The following CASQ2 variants were observed in gnomAD, a reference collection of about 807,000 sequenced individuals.
The protein encoded by CASQ2 is calsequestrin 2.
A neutral mutation model predicts 46.5 loss-of-function variants in CASQ2; 49 were observed. The observed-to-expected ratio is 1.05, with a 90% CI of 0.84 to 1.34. The LOEUF (loss-of-function observed/expected upper bound fraction) is 1.34. Ranked by LOEUF, CASQ2 falls within the 40% of genes most tolerant of loss-of-function variation. The pLI, the probability that CASQ2 is intolerant of heterozygous loss-of-function variation, is 0.00. For missense variants in CASQ2, 486 were observed against 481.3 expected, an observed-to-expected ratio of 1.01 and a Z score of -0.09; for synonymous variants, 174 against 168.5, an observed-to-expected ratio of 1.03 and a Z score of -0.25.
intron 6 of CASQ2, 150 bp from the exon 7 acceptor site, chr1:115,725,703 T>C: frequency 1.0e-6 from 1 of 1,004,310 alleles, no homozygotes. Context: ...ACTTATCTTC[T>C]AAGGAAACAG....
chr1:115,739,400 C>T (rs547911693), intron 3 of CASQ2, among the ~76,000 whole-genome samples: 4 of 152,056 alleles, frequency 2.6e-5, no homozygotes, highest in East Asian at 3.9e-4. Context: ...CAGGCATGAG[C>T]CACCACGCTC....
At chr1:115,707,906 A>G (rs1654410856) in intron 8 of CASQ2, among the ~76,000 whole-genome samples, 1 of 152,228 alleles carries the variant, frequency 6.6e-6, no homozygotes, top group African/African-American at 2.4e-5. Flanking sequence ...AGACTGATTC[A>G]CATAAAGGAA....
chr1:115,720,890 G>A (rs1647351074), intron 7 of CASQ2, among the ~76,000 whole-genome samples: 1 of 152,094 alleles, frequency 6.6e-6, no homozygotes, highest in Admixed American at 6.5e-5. Context: ...AAAGGAGTAT[G>A]GCAATAAAAA....
At chr1:115,730,504 A>G (rs374036510) in intron 5 of CASQ2, among the ~76,000 whole-genome samples, 2 of 152,340 alleles carry the variant, frequency 1.3e-5, no homozygotes, top group African/African-American at 4.8e-5. Flanking sequence ...TTGTTGAGTG[A>G]ATGACTGAAT....
intron 1 of CASQ2, 106 bp downstream of exon 1, chr1:115,768,202 G>C (rs1420494292): frequency 2.5e-5 from 20 of 802,030 alleles, no homozygotes; most frequent in Non-Finnish European, 4.1e-5. Flanking sequence ...GCAGAGTTCA[G>C]TATATATTCT....
intron 1 of CASQ2, among the ~76,000 whole-genome samples, chr1:115,758,724 T>C (rs754549099): frequency 8.5e-5 from 13 of 152,192 alleles, no homozygotes; most frequent in Non-Finnish European, 1.8e-4. Context: ...ACCTTTTCTC[T>C]CTCTCTCGCT....
Position 115,740,739 on chromosome 1 carries a change from A to T in CASQ2, c.409T>A (p.Phe137Ile). 1.9e-6 allele frequency: 3 copies of T among 1,607,480 alleles called. No individual in the cohort carries two copies. The highest frequency in any genetic ancestry group is 2.6e-6 in the Non-Finnish European group (3 of 1,174,096). Residue 137 changes from phenylalanine to isoleucine, a missense_variant, in exon 3 of 11, where the codon TTC becomes ATC. Coordinates refer to ENST00000261448, the MANE Select transcript of CASQ2 (RefSeq NM_001232.4). ...GEFAADVLVE[F>I]LLDLIEDPVE... Reference sequence around the variant, plus strand: ...GTATAAATACTTACATCCAAGAGGAACTCCACCAAGACATCAGCTGCAAAC... The same window carrying T: ...GTATAAATACTTACATCCAAGAGGATCTCCACCAAGACATCAGCTGCAAAC...
chr1:115,720,551 C>A (rs1647333652), intron 7 of CASQ2, among the ~76,000 whole-genome samples: 1 of 152,122 alleles, frequency 6.6e-6, no homozygotes, highest in African/African-American at 2.4e-5. Context: ...AATTTATTCC[C>A]CTGCAGGGTT....
chr1:115,717,654 TTTCTTC>T (rs1280900089), intron 8 of CASQ2, among the ~76,000 whole-genome samples, 180 bp downstream of exon 8: 6 of 152,350 alleles, frequency 3.9e-5, no homozygotes, highest in African/African-American at 1.4e-4. Flanking sequence ...GTTCACACCT[TTTCTTC>T]TCTTAGCCGT....
At chr1:115,745,522 T>A (rs1648359195) in intron 1 of CASQ2, among the ~76,000 whole-genome samples, 1 of 152,046 alleles carries the variant, frequency 6.6e-6, no homozygotes, top group African/African-American at 2.4e-5. Context: ...GTGTCCTAGA[T>A]GGACAGATAG....
chr1:115,744,632 AATGTGAAACC>A (rs1260833161), intron 2 of CASQ2, among the ~76,000 whole-genome samples, 186 bp downstream of exon 2: 1 of 152,242 alleles, frequency 6.6e-6, no homozygotes, highest in African/African-American at 2.4e-5. Context: ...TTACATGATT[AATGTGAAACC>A]ATTCAATTCA....
intron 5 of CASQ2, 59 bp from the exon 6 acceptor site, chr1:115,727,181 G>T: frequency 7.8e-7 from 1 of 1,280,832 alleles, no homozygotes; most frequent in Non-Finnish European, 1.1e-6. Flanking sequence ...ATAGCAGTGT[G>T]TTGTCCATCT....
intron 7 of CASQ2, among the ~76,000 whole-genome samples, chr1:115,721,004 A>G (rs567189193): frequency 2.0e-5 from 3 of 152,352 alleles, no homozygotes; most frequent in East Asian, 3.9e-4. Context: ...TATTTTACTC[A>G]GTTTCCTTCC....
At chr1:115,707,276 C>T (rs1352100707) in intron 8 of CASQ2, among the ~76,000 whole-genome samples, 1 of 152,168 alleles carries the variant, frequency 6.6e-6, no homozygotes, top group Non-Finnish European at 1.5e-5. Context: ...GTGATCCTGC[C>T]TCAGCTTTCC....
At chr1:115,717,706 G>A (rs753914610) in intron 8 of CASQ2, 134 bp downstream of exon 8, 5 of 773,730 alleles carry the variant, frequency 6.5e-6, no homozygotes, top group Middle Eastern at 2.6e-4. Flanking sequence ...CTTAATGGGC[G>A]ACCACCAGGG....
At chr1:115,761,473 A>AAGGAGAAGGAGAAGGAGG (rs1557806767) in intron 1 of CASQ2, among the ~76,000 whole-genome samples, 1 of 16,398 alleles carries the variant, frequency 6.1e-5, no homozygotes, top group Non-Finnish European at 1.4e-4. Context: ...GGAGAAGAAG[A>AAGGAGAAGGAGAAGGAGG]AGAAGAAGAA....
chr1:115,758,975 G>T (rs1481884176), intron 1 of CASQ2, among the ~76,000 whole-genome samples: 1 of 152,204 alleles, frequency 6.6e-6, no homozygotes, highest in Admixed American at 6.5e-5. Context: ...TGTCAGCCAA[G>T]TACTATGTAG....
At position 115,748,809 on chromosome 1, in the gene CASQ2, T is replaced by C. The variant is rs141106996; in HGVS notation, c.235-3897A>G. On this transcript the variant is annotated intron_variant, in intron 1 of 10. Transcript: ENST00000261448. ...TCCCTTGTATATCACTCAGAGTCAGTAATGATGGTACCTAATGGCTTTGCG... is the reference window on the plus strand; with the variant it reads ...TCCCTTGTATATCACTCAGAGTCAGCAATGATGGTACCTAATGGCTTTGCG... 2.1e-4 allele frequency among the ~76,000 whole-genome samples: 32 copies of C among 152,308 alleles called. No homozygotes were observed. In the East Asian group the frequency reaches 5.6e-3, roughly 27 times the overall value.
At chr1:115,735,153 A>G (rs1647914541) in intron 4 of CASQ2, among the ~76,000 whole-genome samples, 1 of 152,244 alleles carries the variant, frequency 6.6e-6, no homozygotes, top group Admixed American at 6.5e-5. Context: ...TATTCAGAGA[A>G]AAAGTTCATC....
Sources: gnomAD v4.1 joint callset for allele counts (sites outside exome capture counted in the v4.1 genomes callset) on GRCh38, gnomAD v4.1.1 for gene constraint, MANE v1.5 for transcripts, NCBI Gene and HGNC (gene_info 2026-07-23, HGNC 2026-07-21) for gene names.